Variants in KCTD16 observed in about 807,000 individuals in gnomAD.
KCTD16 encodes BTB/POZ domain-containing protein KCTD16.
Under a neutral mutation model 33.2 loss-of-function variants are expected in KCTD16, and 13 were observed. That is an observed-to-expected ratio of 0.39 (90% CI 0.25 to 0.62). The LOEUF (loss-of-function observed/expected upper bound fraction) is 0.62. Among genes scored for constraint, KCTD16 ranks in the 20% least tolerant of loss-of-function variants. The pLI is 0.50. For missense variants in KCTD16, 441 were observed against 525.1 expected, an observed-to-expected ratio of 0.84 and a Z score of 1.57; for synonymous variants, 197 against 195.3, an observed-to-expected ratio of 1.01 and a Z score of -0.07.
At chr5:144,303,416 T>C (rs1580857777) in intron 3 of KCTD16, among the ~76,000 whole-genome samples, 1 of 152,330 alleles carries the variant, frequency 6.6e-6, no homozygotes, top group Middle Eastern at 3.4e-3. Flanking sequence ...ACAGCACTTT[T>C]AAGATTCTTT....
At chr5:144,405,184 C>T (rs1390244813) in intron 3 of KCTD16, among the ~76,000 whole-genome samples, 1 of 152,200 alleles carries the variant, frequency 6.6e-6, no homozygotes, top group African/African-American at 2.4e-5. Context: ...AGCTTTAAAT[C>T]ATCTTATTAT....
At chr5:144,415,039 G>A (rs1388314539) in intron 3 of KCTD16, among the ~76,000 whole-genome samples, 1 of 152,122 alleles carries the variant, frequency 6.6e-6, no homozygotes, top group Non-Finnish European at 1.5e-5. Flanking sequence ...GAATAGAAAT[G>A]TATTTTCTCA....
intron 3 of KCTD16, among the ~76,000 whole-genome samples, chr5:144,426,668 G>T (rs1012676242): frequency 6.6e-5 from 10 of 152,054 alleles, no homozygotes. Context: ...CTGAAAGTTG[G>T]AAAGTCCAGG....
At chr5:144,433,931 A>G (rs1277570744) in intron 3 of KCTD16, among the ~76,000 whole-genome samples, 2 of 152,134 alleles carry the variant, frequency 1.3e-5, no homozygotes, top group African/African-American at 4.8e-5. Flanking sequence ...GCCCCTGTGT[A>G]TTATATTATC....
At chr5:144,416,948 A>G (rs1176666111) in intron 3 of KCTD16, among the ~76,000 whole-genome samples, 1 of 152,166 alleles carries the variant, frequency 6.6e-6, no homozygotes, top group African/African-American at 2.4e-5. Flanking sequence ...GCATGTATCA[A>G]TACTTCATTC....
At chr5:144,238,362 T>C (rs961463748) in intron 3 of KCTD16, among the ~76,000 whole-genome samples, 5 of 152,166 alleles carry the variant, frequency 3.3e-5, no homozygotes, top group African/African-American at 1.2e-4. Context: ...AATTCTAGTC[T>C]GTGTTTTATT....
At chr5:144,320,215 A>G (rs1752036862) in intron 3 of KCTD16, among the ~76,000 whole-genome samples, 1 of 152,216 alleles carries the variant, frequency 6.6e-6, no homozygotes. Flanking sequence ...TTTAAAATTT[A>G]ACACTATGTA....
rs190483061 is a variant in KCTD16, at chr5:144,309,721, C to T, written c.832+102175C>T. 2.6e-5 allele frequency among the ~76,000 whole-genome samples: 4 copies of T among 152,268 alleles called. No homozygotes were observed. The South Asian group carries it at 8.3e-4, about 32-fold the overall frequency. On this transcript the variant is annotated intron_variant, in intron 3 of 3. Coordinates refer to ENST00000512467, the MANE Select transcript of KCTD16 (RefSeq NM_020768.4). ...ACAGTAGCTTCTTAAATAACTCACA[C>T]ACTGGTCCTAAGTTCGAGAGACTCC...
intron 3 of KCTD16, among the ~76,000 whole-genome samples, chr5:144,266,959 G>A (rs1399834398): frequency 6.6e-6 from 1 of 152,086 alleles, no homozygotes; most frequent in Non-Finnish European, 1.5e-5. Context: ...TTCGGTTGGT[G>A]CAAAAGTAAT....
chr5:144,382,443 C>T (rs1346982113), intron 3 of KCTD16, among the ~76,000 whole-genome samples: 3 of 152,214 alleles, frequency 2.0e-5, no homozygotes, highest in East Asian at 3.9e-4. Flanking sequence ...GACATCAGCA[C>T]CTCCAGGAAG....
At chr5:144,270,575 A>G (rs994197070) in intron 3 of KCTD16, among the ~76,000 whole-genome samples, 5 of 151,730 alleles carry the variant, frequency 3.3e-5, no homozygotes, top group Non-Finnish European at 5.9e-5. Context: ...CTATAAACAC[A>G]GTAAAAAATA....
chr5:144,278,786 C>A (rs779793559), intron 3 of KCTD16, among the ~76,000 whole-genome samples: 1 of 152,060 alleles, frequency 6.6e-6, no homozygotes, highest in South Asian at 2.1e-4. Flanking sequence ...CGTGAGCCAC[C>A]GTGCCTGGCC....
intron 3 of KCTD16, among the ~76,000 whole-genome samples, chr5:144,318,420 G>T (rs113954662): frequency 1.3e-5 from 2 of 152,110 alleles, no homozygotes; most frequent in Non-Finnish European, 2.9e-5. Flanking sequence ...TTGAAGAAAC[G>T]TATGGGTTTA....
At chr5:144,266,838 T>C (rs963363843) in intron 3 of KCTD16, among the ~76,000 whole-genome samples, 12 of 152,204 alleles carry the variant, frequency 7.9e-5, no homozygotes, top group South Asian at 4.1e-4. Context: ...AAAAAATTCA[T>C]TGAAGCAGAC....
chr5:144,428,642 A>G (rs1363280768), intron 3 of KCTD16, among the ~76,000 whole-genome samples: 1 of 152,192 alleles, frequency 6.6e-6, no homozygotes, highest in Non-Finnish European at 1.5e-5. Context: ...AATAATAAGC[A>G]ATATTGTTTT....
At chr5:144,362,454 G>C (rs149047656) in intron 3 of KCTD16, among the ~76,000 whole-genome samples, 1 of 152,268 alleles carries the variant, frequency 6.6e-6, no homozygotes, top group Non-Finnish European at 1.5e-5. Flanking sequence ...CTGGTATTAA[G>C]AGTGGTAGAG....
intron 3 of KCTD16, among the ~76,000 whole-genome samples, chr5:144,299,131 T>TATATATATATATAC (rs1751329626): frequency 3.3e-5 from 1 of 30,272 alleles, no homozygotes; most frequent in Non-Finnish European, 5.1e-5. Flanking sequence ...TATATATATA[T>TATATATATATATAC]ATATATATAT....
intron 3 of KCTD16, among the ~76,000 whole-genome samples, chr5:144,429,567 G>C (rs1032126256): frequency 6.6e-6 from 1 of 152,038 alleles, no homozygotes; most frequent in Non-Finnish European, 1.5e-5. Context: ...TGCAGCATAG[G>C]GAAATGGTAG....
intron 3 of KCTD16, among the ~76,000 whole-genome samples, chr5:144,408,341 A>G (rs1385961048): frequency 6.6e-6 from 1 of 152,246 alleles, no homozygotes; most frequent in African/African-American, 2.4e-5. Flanking sequence ...CATTTTGAAT[A>G]CTATAACTTG....
Sources: gnomAD v4.1 joint callset for allele counts (sites outside exome capture counted in the v4.1 genomes callset) on GRCh38, gnomAD v4.1.1 for gene constraint, MANE v1.5 for transcripts, NCBI Gene and HGNC (gene_info 2026-07-23, HGNC 2026-07-21) for gene names.